LINGO2: variants seen among roughly 807,000 people sequenced by gnomAD.
The protein encoded by LINGO2 is leucine-rich repeat and immunoglobulin-like domain-containing nogo receptor-interacting protein 2.
Under a neutral mutation model 30.6 loss-of-function variants are expected in LINGO2, and 14 were observed. That is an observed-to-expected ratio of 0.46 (90% CI 0.30 to 0.72). The LOEUF (loss-of-function observed/expected upper bound fraction) is 0.72, where lower values mean the gene tolerates loss of function less well. Among genes scored for constraint, LINGO2 ranks in the 30% least tolerant of loss-of-function variants. The pLI, the probability that LINGO2 is intolerant of heterozygous loss-of-function variation, is 0.07. For missense variants in LINGO2, 729 were observed against 751.7 expected (o/e 0.97, Z 0.35); for synonymous variants, 317 against 288.5 (o/e 1.10, Z -1.00).
At chr9:28,015,929 C>G (rs1310039696) in intron 4 of LINGO2, among the ~76,000 whole-genome samples, 1 of 133,466 alleles carries the variant, frequency 7.5e-6, no homozygotes, top group Non-Finnish European at 1.6e-5. Context: ...AAGAGGAGAC[C>G]AAATAATCAC....
chr9:28,418,066 C>T (rs1217570042), intron 2 of LINGO2, among the ~76,000 whole-genome samples: 2 of 151,944 alleles, frequency 1.3e-5, no homozygotes, highest in African/African-American at 4.8e-5. Context: ...CCATTTTTTC[C>T]CCCAGTGGAT....
chr9:28,648,898 C>G (rs1350468419), intron 1 of LINGO2, among the ~76,000 whole-genome samples: 2 of 152,086 alleles, frequency 1.3e-5, no homozygotes, highest in Admixed American at 1.3e-4. Context: ...ACTTCCATGT[C>G]TTGGCATATA....
chr9:29,181,195 G>C, the LINGO2 span, among the ~76,000 whole-genome samples: 1 of 152,148 alleles, frequency 6.6e-6, no homozygotes, highest in Non-Finnish European at 1.5e-5. Context: ...GCGTGACTTT[G>C]AACAATTTAT....
intron 4 of LINGO2, among the ~76,000 whole-genome samples, chr9:28,075,069 A>T (rs775357425): frequency 1.3e-5 from 2 of 151,928 alleles, no homozygotes; most frequent in African/African-American, 4.8e-5. Context: ...TCATGAGGCC[A>T]TTCCTTTCTC....
At chr9:28,550,712 A>G (rs991946141) in intron 1 of LINGO2, among the ~76,000 whole-genome samples, 9 of 151,928 alleles carry the variant, frequency 5.9e-5, no homozygotes, top group Admixed American at 2.0e-4. Context: ...TTTTGCTTTC[A>G]TAAAATAGAA....
At chr9:28,542,316 C>T (rs1178587266) in intron 1 of LINGO2, among the ~76,000 whole-genome samples, 1 of 151,864 alleles carries the variant, frequency 6.6e-6, no homozygotes, top group Non-Finnish European at 1.5e-5. Flanking sequence ...GATAGCTCTC[C>T]CTGCAGCTGG....
intron 1 of LINGO2, among the ~76,000 whole-genome samples, chr9:28,495,744 C>T (rs557232371): frequency 1.2e-4 from 19 of 152,040 alleles, no homozygotes; most frequent in East Asian, 1.2e-3. Context: ...CTTTTAATTG[C>T]GATGTTAGGG....
At chr9:29,134,326 T>C in the LINGO2 span, among the ~76,000 whole-genome samples, 1 of 152,160 alleles carries the variant, frequency 6.6e-6, no homozygotes. Context: ...CAATAATCTC[T>C]CACACATTAT....
At chr9:28,081,786 T>C (rs968468419) in intron 4 of LINGO2, among the ~76,000 whole-genome samples, 7 of 152,142 alleles carry the variant, frequency 4.6e-5, no homozygotes, top group Middle Eastern at 3.2e-3. Context: ...ATGCAAACAG[T>C]CCAGCTGCAT....
At chr9:28,429,816 C>T (rs2134938353) in intron 2 of LINGO2, among the ~76,000 whole-genome samples, 1 of 152,104 alleles carries the variant, frequency 6.6e-6, no homozygotes, top group African/African-American at 2.4e-5. Flanking sequence ...TGAATCCATG[C>T]ATATAAAAAT....
chr9:28,743,327 C>T, the LINGO2 span, among the ~76,000 whole-genome samples: 1 of 151,956 alleles, frequency 6.6e-6, no homozygotes, highest in Non-Finnish European at 1.5e-5. Context: ...AATGCTATCC[C>T]TCCCCTAGGC....
intron 1 of LINGO2, among the ~76,000 whole-genome samples, chr9:28,636,693 T>A (rs1275903094): frequency 6.6e-6 from 1 of 152,226 alleles, no homozygotes; most frequent in African/African-American, 2.4e-5. Flanking sequence ...ATAAATTTGT[T>A]TGACTTCTTT....
the LINGO2 span, among the ~76,000 whole-genome samples, chr9:28,784,833 T>C: frequency 6.6e-6 from 1 of 151,532 alleles, no homozygotes; most frequent in African/African-American, 2.4e-5. Context: ...GCACCTGTAA[T>C]CCTAACTGGG....
chr9:28,054,315 C>A (rs1824816486), intron 4 of LINGO2, among the ~76,000 whole-genome samples: 1 of 152,040 alleles, frequency 6.6e-6, no homozygotes, highest in South Asian at 2.1e-4. Flanking sequence ...TTAGATTTTT[C>A]TTTTGACTCT....
chr9:28,163,062 G>T (rs916133300), intron 4 of LINGO2, among the ~76,000 whole-genome samples: 5 of 151,998 alleles, frequency 3.3e-5, no homozygotes, highest in African/African-American at 1.2e-4. Context: ...TGGCAAGAAA[G>T]GTAAATTAGA....
chr9:29,162,506 C>T, the LINGO2 span, among the ~76,000 whole-genome samples: 2 of 151,964 alleles, frequency 1.3e-5, no homozygotes, highest in East Asian at 1.9e-4. Context: ...ATGGAGAGCA[C>T]AGTATATGTT....
intron 1 of LINGO2, among the ~76,000 whole-genome samples, chr9:28,551,636 C>T (rs913798799): frequency 6.6e-6 from 1 of 152,040 alleles, no homozygotes; most frequent in Non-Finnish European, 1.5e-5. Context: ...CAGAGGCAAC[C>T]ACTTTCAAAT....
At chr9:28,222,908 G>A (rs1393861039) in intron 4 of LINGO2, among the ~76,000 whole-genome samples, 2 of 152,130 alleles carry the variant, frequency 1.3e-5, no homozygotes, top group South Asian at 2.1e-4. Context: ...TGGTACTCTC[G>A]GGGAACAGCT....
chr9:28,330,146 A>G lies in LINGO2; in HGVS notation c.-245-34780T>C, dbSNP rs140855248. ...ATGCTCTCTCTCTCTTCTCATCCAC[A>G]CAGAGATAAGGCAATGTGAATACAC... is the stretch of plus-strand genomic sequence containing the variant. On this transcript the variant is annotated intron_variant, in intron 3 of 5. Transcript: ENST00000379992. Among the ~76,000 whole-genome samples the G allele has an allele frequency of 6.9e-4, 105 of 152,286 alleles. 1 individual carries two copies. In the South Asian group the frequency reaches 0.01, roughly 15 times the overall value.
Sources: gnomAD v4.1 joint callset for allele counts (sites outside exome capture counted in the v4.1 genomes callset) on GRCh38, gnomAD v4.1.1 for gene constraint, MANE v1.5 for transcripts, NCBI Gene and HGNC (gene_info 2026-07-23, HGNC 2026-07-21) for gene names.